Variants in PLPP3 observed in about 807,000 individuals in gnomAD.
PLPP3 encodes the protein phospholipid phosphatase 3.
PLPP3 carries 6 observed loss-of-function variants against 29.6 expected under a neutral mutation model. That is an observed-to-expected ratio of 0.20 (90% CI 0.11 to 0.40). PLPP3 has a LOEUF of 0.40. PLPP3 is among the 10% of genes least tolerant of loss of function. The probability of loss-of-function intolerance (pLI) is 1.00; values close to 1 mark genes in which losing one functional copy is unlikely to be tolerated. For missense variants in PLPP3, 308 were observed against 407.7 expected, an observed-to-expected ratio of 0.76 and a Z score of 2.11; for synonymous variants, 152 against 159.7, an observed-to-expected ratio of 0.95 and a Z score of 0.36.
intron 2 of PLPP3, among the ~76,000 whole-genome samples, chr1:56,536,600 A>C (rs1645928588): frequency 6.6e-6 from 1 of 152,214 alleles, no homozygotes; most frequent in Non-Finnish European, 1.5e-5. Context: ...TAGGCAAGAT[A>C]AGCTAACTGC....
At chr1:56,567,393 C>CTTTTTTT (rs1172831045) in intron 1 of PLPP3, among the ~76,000 whole-genome samples, 15 of 116,960 alleles carry the variant, frequency 1.3e-4, no homozygotes, top group African/African-American at 1.7e-4. Flanking sequence ...TAAGGTATTT[C>CTTTTTTT]TTTTTTTTTT....
chr1:56,546,525 GTCTTAA>G (rs1234857000), intron 1 of PLPP3, among the ~76,000 whole-genome samples: 1 of 152,174 alleles, frequency 6.6e-6, no homozygotes, highest in African/African-American at 2.4e-5. Flanking sequence ...TTATGCGTAT[GTCTTAA>G]TCTTAACCCA....
chr1:56,554,558 C>T (rs1396801320), intron 1 of PLPP3, among the ~76,000 whole-genome samples: 1 of 133,238 alleles, frequency 7.5e-6, no homozygotes, highest in African/African-American at 2.8e-5. Flanking sequence ...GGCGACAGAG[C>T]AAGACTCCAT....
chr1:56,502,802 G>A (rs559277502), intron 5 of PLPP3, among the ~76,000 whole-genome samples: 25 of 152,208 alleles, frequency 1.6e-4, no homozygotes, highest in Non-Finnish European at 3.5e-4. Context: ...CAAGGGCATG[G>A]ATCGTGTTGA....
intron 1 of PLPP3, among the ~76,000 whole-genome samples, chr1:56,575,242 T>G (rs539584801): frequency 1.3e-5 from 2 of 152,268 alleles, no homozygotes; most frequent in South Asian, 2.1e-4. Flanking sequence ...ACAATGCAAC[T>G]CGATAGTGGC....
In PLPP3 at chr1:56,519,481, A is replaced by C. The variant is rs2100242610; in HGVS notation, c.633+4342T>G. ...CCCACTCCTAGCTGGTGCTTGGTGC[A>C]TCATAGTCCCTCACTAAGCATATAC... is the stretch of plus-strand genomic sequence containing the variant. On this transcript the variant is annotated intron_variant, in intron 4 of 5. Coordinates refer to ENST00000371250, the MANE Select transcript of PLPP3 (RefSeq NM_003713.5). Among the ~76,000 whole-genome samples the C allele has an allele frequency of 2.0e-5, 3 of 152,268 alleles. No homozygotes were observed. In the Middle Eastern group the frequency reaches 0.01, roughly 518 times the overall value.
chr1:56,575,135 G>A (rs1186344253), intron 1 of PLPP3, among the ~76,000 whole-genome samples: 3 of 152,020 alleles, frequency 2.0e-5, no homozygotes, highest in African/African-American at 4.8e-5. Context: ...ACTAGAAATC[G>A]GTCACCGCAT....
chr1:56,536,259 C>T (rs1179092982), intron 2 of PLPP3, among the ~76,000 whole-genome samples: 1 of 152,206 alleles, frequency 6.6e-6, no homozygotes. Flanking sequence ...AGCCATTCTT[C>T]CTAGAAACTC....
intron 1 of PLPP3, among the ~76,000 whole-genome samples, chr1:56,539,826 G>A (rs544494487): frequency 6.6e-6 from 1 of 152,278 alleles, no homozygotes; most frequent in East Asian, 1.9e-4. Flanking sequence ...TGAGAAGCCA[G>A]CAGTATGATA....
At chr1:56,561,726 T>C (rs887634568) in intron 1 of PLPP3, among the ~76,000 whole-genome samples, 4 of 152,130 alleles carry the variant, frequency 2.6e-5, no homozygotes, top group Non-Finnish European at 4.4e-5. Flanking sequence ...TTGAAGTGAC[T>C]ATCAAGAGGT....
At chr1:56,498,342 T>C (rs1369289310) in intron 5 of PLPP3, among the ~76,000 whole-genome samples, 1 of 152,186 alleles carries the variant, frequency 6.6e-6, no homozygotes. Flanking sequence ...TTGTAGTTGG[T>C]TTGGGAAACT....
intron 1 of PLPP3, among the ~76,000 whole-genome samples, chr1:56,537,540 C>T (rs938001797): frequency 2.6e-5 from 4 of 152,166 alleles, no homozygotes; most frequent in Admixed American, 6.5e-5. Flanking sequence ...TAAGGCTGTG[C>T]TGCCTGGGGT....
chr1:56,565,421 T>A (rs904846686), intron 1 of PLPP3, among the ~76,000 whole-genome samples: 2 of 151,632 alleles, frequency 1.3e-5, no homozygotes, highest in Non-Finnish European at 2.9e-5. Flanking sequence ...TAAAGTCCCT[T>A]CTTTTTTTTT....
chr1:56,513,556 A>G (rs1208977430), intron 4 of PLPP3: 1 of 152,292 alleles, frequency 6.6e-6, no homozygotes, highest in African/African-American at 2.4e-5. Flanking sequence ...TTGATGAGAC[A>G]GAAGAGTGGA....
intron 4 of PLPP3, among the ~76,000 whole-genome samples, chr1:56,518,723 A>ACAGCCTGTC (rs1223442472): frequency 2.1e-5 from 3 of 145,052 alleles, no homozygotes; most frequent in African/African-American, 5.3e-5. Context: ...ATTTATATAT[A>ACAGCCTGTC]TATATATATA....
At chr1:56,547,373 T>C (rs1053791593) in intron 1 of PLPP3, among the ~76,000 whole-genome samples, 10 of 152,184 alleles carry the variant, frequency 6.6e-5, no homozygotes, top group Non-Finnish European at 1.3e-4. Flanking sequence ...CTAGGACTTG[T>C]GGATCGTTTT....
At chr1:56,546,232 C>T (rs559837276) in intron 1 of PLPP3, among the ~76,000 whole-genome samples, 2 of 152,334 alleles carry the variant, frequency 1.3e-5, no homozygotes, top group South Asian at 4.1e-4. Context: ...CTACTCCCCA[C>T]TATCTCCCTG....
chr1:56,516,920 T>C (rs1645785097), intron 4 of PLPP3: 1 of 152,222 alleles, frequency 6.6e-6, no homozygotes, highest in South Asian at 2.1e-4. Context: ...TCCTTCTTTG[T>C]CCTACCTTCA....
At chr1:56,510,114 C>T (rs1347631729) in intron 5 of PLPP3, among the ~76,000 whole-genome samples, 4 of 152,124 alleles carry the variant, frequency 2.6e-5, no homozygotes, top group Admixed American at 2.0e-4. Flanking sequence ...ACTGGGGGTG[C>T]AGGGGACTCC....
Sources: gnomAD v4.1 joint callset for allele counts (sites outside exome capture counted in the v4.1 genomes callset) on GRCh38, gnomAD v4.1.1 for gene constraint, MANE v1.5 for transcripts, NCBI Gene and HGNC (gene_info 2026-07-23, HGNC 2026-07-21) for gene names.